Variants in KSR2 observed in about 807,000 individuals in gnomAD.
KSR2 encodes the protein kinase suppressor of ras 2.
Under a neutral mutation model 107.8 loss-of-function variants are expected in KSR2, and 25 were observed. The observed-to-expected ratio is 0.23, with a 90% CI of 0.17 to 0.32. The LOEUF (loss-of-function observed/expected upper bound fraction) is 0.32, where lower values mean the gene tolerates loss of function less well. Among genes scored for constraint, KSR2 ranks in the 10% least tolerant of loss-of-function variants. KSR2 has a pLI of 1.00. For missense variants in KSR2, 887 were observed against 1,268.9 expected (o/e 0.70, Z 4.57); for synonymous variants, 480 against 507.0 (o/e 0.95, Z 0.71).
intron 5 of KSR2, among the ~76,000 whole-genome samples, chr12:117,653,158 G>A (rs924147282): frequency 1.3e-5 from 2 of 152,258 alleles, no homozygotes; most frequent in Admixed American, 1.3e-4. Context: ...GGTCTGTGCA[G>A]AAGACAGATG....
intron 3 of KSR2, among the ~76,000 whole-genome samples, chr12:117,818,090 G>T (rs963348755): frequency 1.3e-4 from 19 of 148,836 alleles, no homozygotes; most frequent in African/African-American, 4.8e-4. Context: ...AACAGAGCGA[G>T]ACTCTGTTTC....
chr12:117,954,493 G>A (rs1358258053), intron 1 of KSR2, among the ~76,000 whole-genome samples: 1 of 152,242 alleles, frequency 6.6e-6, no homozygotes, highest in Non-Finnish European at 1.5e-5. Context: ...TCTGTCACCT[G>A]CAGCCTAGTG....
intron 3 of KSR2, among the ~76,000 whole-genome samples, chr12:117,771,045 A>G (rs970562273): frequency 2.0e-5 from 3 of 152,132 alleles, no homozygotes; most frequent in Non-Finnish European, 2.9e-5. Context: ...CATGTATTCA[A>G]TCCTCCGTGG....
chr12:117,636,964 G>C (rs1222204792), intron 5 of KSR2, among the ~76,000 whole-genome samples: 1 of 152,104 alleles, frequency 6.6e-6, no homozygotes. Flanking sequence ...AAAAAAAAGA[G>C]AGGTAATTTA....
In KSR2 at chr12:117,937,844, C is replaced by T. The variant is rs555559227; in HGVS notation, c.180+30232G>A. Among the ~76,000 whole-genome samples, 7 of 151,762 alleles carry T rather than the reference C, an allele frequency of 4.6e-5. No individual in the cohort carries two copies. In the South Asian group the frequency reaches 1.3e-3, roughly 27 times the overall value. ...AATTAGCCAGGCGTGGCAGTGCACG[C>T]CTGTAATCCCAGCTACTCGGGAGGC... On this transcript the variant is annotated intron_variant, in intron 1 of 19. Transcript: ENST00000339824.
intron 1 of KSR2, among the ~76,000 whole-genome samples, chr12:117,863,850 T>C (rs1023498209): frequency 2.6e-5 from 4 of 151,992 alleles, no homozygotes; most frequent in African/African-American, 9.7e-5. Context: ...CTTCCCCACA[T>C]CACTCCACTT....
intron 4 of KSR2, among the ~76,000 whole-genome samples, chr12:117,683,532 A>T (rs1301055661): frequency 6.6e-6 from 1 of 152,252 alleles, no homozygotes; most frequent in Admixed American, 6.5e-5. Context: ...TGTGTATATT[A>T]TATGTCTATT....
chr12:117,853,819 C>T (rs552724296), intron 3 of KSR2, among the ~76,000 whole-genome samples: 1 of 152,052 alleles, frequency 6.6e-6, no homozygotes, highest in East Asian at 1.9e-4. Flanking sequence ...GTAACATGAC[C>T]TTTACAGCTC....
In KSR2 at chr12:117,485,679, T is replaced by C. The variant is rs1390128452; in HGVS notation, c.2232A>G (p.Gly744=). The change falls in exon 15 of 20, where the codon GGA becomes GGG. Residue 744 remains glycine, a synonymous_variant. Transcript: ENST00000339824. ...HLAIITSLCK[G]RTLYSVVRDA... is the part of the protein sequence containing the mutation. ...CCCTCACAACGGAATAGAGCGTCCGTCCCTTACAGAGGCTGAAAAGCAAAA... is the reference window on the plus strand; with the variant it reads ...CCCTCACAACGGAATAGAGCGTCCGCCCCTTACAGAGGCTGAAAAGCAAAA... 1.2e-6 allele frequency: 2 copies of C among 1,613,056 alleles called. No individual in the cohort carries two copies. Among genetic ancestry groups the C allele is most frequent in the Non-Finnish European group, 1.7e-6 (2 of 1,179,164 alleles).
chr12:117,963,369 G>A (rs1167367926), intron 1 of KSR2, among the ~76,000 whole-genome samples: 2 of 152,130 alleles, frequency 1.3e-5, no homozygotes, highest in Non-Finnish European at 2.9e-5. Flanking sequence ...GCCATCCAAG[G>A]CAGGCGAATC....
chr12:117,525,017 C>T lies in KSR2; in HGVS notation c.2054G>A (p.Trp685Ter). The T allele has an allele frequency of 6.2e-7, 1 of 1,613,968 alleles. No individual in the cohort carries two copies. The highest frequency in any genetic ancestry group is 8.5e-7 in the Non-Finnish European group (1 of 1,179,884). ...GRFGQVYHGR[W>*]HGEVAIRLID... is the part of the protein sequence containing the mutation. The stretch of plus-strand genomic sequence containing the variant: ...CAGCCGGATGGCCACCTCGCCATGC[C>T]AGCGGCCGTGGTACACTTGCCCAAA... The change falls in exon 14 of 20, where the codon TGG (tryptophan) becomes TAG (stop). Residue 685 changes from tryptophan to a stop codon, truncating the protein, a stop_gained. Transcript: ENST00000339824. LOFTEE classifies it high-confidence loss of function.
chr12:117,562,270 G>C (rs1771521627), intron 7 of KSR2, among the ~76,000 whole-genome samples: 1 of 151,914 alleles, frequency 6.6e-6, no homozygotes, highest in African/African-American at 2.4e-5. Flanking sequence ...AGGAAGGGGA[G>C]GGGGTGGGGA....
intron 3 of KSR2, among the ~76,000 whole-genome samples, chr12:117,843,175 G>A (rs756375653): frequency 3.9e-5 from 6 of 152,142 alleles, no homozygotes; most frequent in Non-Finnish European, 8.8e-5. Flanking sequence ...TTTTACAGAT[G>A]AGGAAAGCAA....
chr12:117,866,639 G>T (rs867230701), intron 1 of KSR2, among the ~76,000 whole-genome samples: 8 of 152,218 alleles, frequency 5.3e-5, no homozygotes, highest in African/African-American at 1.9e-4. Flanking sequence ...AGACCAGCCT[G>T]ACCAACATAG....
At position 117,625,552 on chromosome 12, in the gene KSR2, C is replaced by T. The variant is rs79695549; in HGVS notation, c.1171+41922G>A. ...CCAGCCTCACATCTCCGGGATGAAG[C>T]CGACTTAATCGTGGTGGACAAGCTT... On this transcript the variant is annotated intron_variant, in intron 5 of 19. Coordinates refer to ENST00000339824, the MANE Select transcript of KSR2 (RefSeq NM_173598.6). Among the ~76,000 whole-genome samples, 529 of 152,298 alleles carry T rather than the reference C, an allele frequency of 3.5e-3. 1 individual carries two copies. The highest frequency in any genetic ancestry group is 0.011 in the African/African-American group (463 of 41,556).
chr12:117,813,601 C>T (rs1207216261), intron 3 of KSR2, among the ~76,000 whole-genome samples: 11 of 152,140 alleles, frequency 7.2e-5, no homozygotes, highest in Admixed American at 7.2e-4. Flanking sequence ...CATCTCACAC[C>T]AGTTAGAATG....
intron 1 of KSR2, among the ~76,000 whole-genome samples, chr12:117,874,750 A>G (rs1452744080): frequency 1.3e-5 from 2 of 152,186 alleles, no homozygotes; most frequent in African/African-American, 2.4e-5. Context: ...TCACCCTGCC[A>G]GGCGGCCTAA....
chr12:117,689,379 A>G (rs1035464369), intron 4 of KSR2, among the ~76,000 whole-genome samples: 1 of 152,230 alleles, frequency 6.6e-6, no homozygotes, highest in African/African-American at 2.4e-5. Context: ...TCAGTCATTA[A>G]AAAGAATGAG....
Position 117,753,672 on chromosome 12 carries a change from G to A in KSR2, c.986+7339C>T, listed in dbSNP as rs140366515. On this transcript the variant is annotated intron_variant, in intron 4 of 19. Coordinates refer to ENST00000339824, the MANE Select transcript of KSR2 (RefSeq NM_173598.6). ...CACTGGGGCCTTCCGGAGGGTAGACGGTGGGAGGAGGGAGAGGATCAGGAA... is the reference window on the plus strand; with the variant it reads ...CACTGGGGCCTTCCGGAGGGTAGACAGTGGGAGGAGGGAGAGGATCAGGAA... Among the ~76,000 whole-genome samples the A allele has an allele frequency of 9.1e-4, 139 of 152,190 alleles. No individual in the cohort carries two copies. In the Middle Eastern group the frequency reaches 0.01, roughly 11 times the overall value.
Sources: allele counts gnomAD v4.1 joint callset (sites outside exome capture counted in the v4.1 genomes callset), GRCh38; gene constraint gnomAD v4.1.1; transcripts MANE v1.5; gene names NCBI Gene and HGNC (gene_info 2026-07-23, HGNC 2026-07-21).